Variants in NRCAM observed in about 807,000 individuals in gnomAD.
NRCAM encodes the protein NgCAM-related cell adhesion molecule.
A neutral mutation model predicts 156.5 loss-of-function variants in NRCAM; 83 were observed. The ratio of observed to expected loss-of-function variants is 0.53; its 90% CI spans 0.44 to 0.64. The LOEUF is 0.64. Among genes scored for constraint, NRCAM ranks in the 30% least tolerant of loss-of-function variants. NRCAM has a pLI of 0.00. For missense variants in NRCAM, 1,417 were observed against 1,597.3 expected, an observed-to-expected ratio of 0.89 and a Z score of 1.92; for synonymous variants, 538 against 563.9, an observed-to-expected ratio of 0.95 and a Z score of 0.65.
At chr7:108,447,487 C>G (rs1237932680) in intron 1 of NRCAM, among the ~76,000 whole-genome samples, 2 of 151,706 alleles carry the variant, frequency 1.3e-5, no homozygotes, top group African/African-American at 4.8e-5. Context: ...GGCCAGGGCG[C>G]TCTTGAACTC....
At chr7:108,318,039 C>T (rs1010289189) in intron 2 of NRCAM, among the ~76,000 whole-genome samples, 5 of 72,852 alleles carry the variant, frequency 6.9e-5, no homozygotes, top group Non-Finnish European at 7.1e-5. Context: ...TTCACTTTTC[C>T]TTTTTTTTTT....
intron 13 of NRCAM, among the ~76,000 whole-genome samples, chr7:108,199,653 C>G (rs1443297118): frequency 6.6e-6 from 1 of 152,198 alleles, no homozygotes; most frequent in Non-Finnish European, 1.5e-5. Flanking sequence ...AGTCACCTTT[C>G]TTTCCAACCA....
chr7:108,159,337 G>A (rs747290905), intron 32 of NRCAM, 126 bp downstream of exon 32: 3 of 814,408 alleles, frequency 3.7e-6, no homozygotes, highest in African/African-American at 3.4e-5. Flanking sequence ...ATACATGGAA[G>A]TATCCCTAAA....
intron 32 of NRCAM, among the ~76,000 whole-genome samples, chr7:108,152,119 T>TA (rs899818665): frequency 2.0e-5 from 3 of 151,888 alleles, no homozygotes; most frequent in Non-Finnish European, 2.9e-5. Context: ...ATCAACATAA[T>TA]AAAAAAAATT....
chr7:108,175,025 T>C (rs2059944239), intron 28 of NRCAM, among the ~76,000 whole-genome samples: 2 of 152,216 alleles, frequency 1.3e-5, no homozygotes, highest in African/African-American at 4.8e-5. Flanking sequence ...AGAGGATCTG[T>C]GACAAATACA....
intron 2 of NRCAM, among the ~76,000 whole-genome samples, chr7:108,376,395 T>C (rs1193136628): frequency 6.6e-6 from 1 of 152,142 alleles, no homozygotes; most frequent in Admixed American, 6.6e-5. Flanking sequence ...CCCATAGTCA[T>C]CTTGTAAGTT....
chr7:108,182,986 A>G, intron 22 of NRCAM, 66 bp from the exon 23 acceptor site: 1 of 1,296,512 alleles, frequency 7.7e-7, no homozygotes, highest in South Asian at 1.2e-5. Context: ...TTACAGGAAC[A>G]GCAAATTCAA....
At chr7:108,453,173 T>C (rs1330557175) in intron 1 of NRCAM, among the ~76,000 whole-genome samples, 2 of 152,230 alleles carry the variant, frequency 1.3e-5, no homozygotes, top group Non-Finnish European at 2.9e-5. Context: ...AATGAATGAA[T>C]GAAATCTTTT....
At chr7:108,331,833 G>C (rs2099130048) in intron 2 of NRCAM, among the ~76,000 whole-genome samples, 1 of 152,064 alleles carries the variant, frequency 6.6e-6, no homozygotes, top group Admixed American at 6.6e-5. Flanking sequence ...CACATTCATT[G>C]CCAGTTTTTT....
At position 108,351,102 on chromosome 7, in the gene NRCAM, G is replaced by A. The variant is rs565607999; in HGVS notation, c.-173-38371C>T. Reference sequence around the variant, plus strand: ...ACCTAATCCCCAATGCAACACTGCTGACAAGTGGGACCTTAAAGAGCTAAT... The same window carrying A: ...ACCTAATCCCCAATGCAACACTGCTAACAAGTGGGACCTTAAAGAGCTAAT... On this transcript the variant is annotated intron_variant, in intron 2 of 32. Coordinates refer to ENST00000379028, the MANE Select transcript of NRCAM (RefSeq NM_001037132.4). Among the ~76,000 whole-genome samples the A allele has an allele frequency of 6.9e-4, 105 of 152,296 alleles. No homozygotes were observed. The Middle Eastern group carries it at 0.034, about 49-fold the overall frequency.
intron 8 of NRCAM, among the ~76,000 whole-genome samples, chr7:108,228,935 G>A (rs1240112501): frequency 6.6e-6 from 1 of 151,824 alleles, no homozygotes; most frequent in Non-Finnish European, 1.5e-5. Flanking sequence ...TATAAGGAGA[G>A]CCAAAATGCA....
At chr7:108,223,164 T>A (rs189525238) in intron 11 of NRCAM, among the ~76,000 whole-genome samples, 1 of 152,254 alleles carries the variant, frequency 6.6e-6, no homozygotes, top group Non-Finnish European at 1.5e-5. Context: ...TAGCAACTTA[T>A]GGCCATCAAC....
chr7:108,377,526 T>C (rs769113529), intron 2 of NRCAM, among the ~76,000 whole-genome samples: 5 of 152,132 alleles, frequency 3.3e-5, no homozygotes, highest in Admixed American at 6.6e-5. Context: ...TTTCAGAAAG[T>C]AATGCAATCC....
chr7:108,163,716 C>T (rs1312070303), intron 30 of NRCAM, among the ~76,000 whole-genome samples: 1 of 149,460 alleles, frequency 6.7e-6, no homozygotes, highest in African/African-American at 2.5e-5. Flanking sequence ...TGGGGTGGCA[C>T]TAAAGAGAGG....
chr7:108,371,802 T>C (rs1395906797), intron 2 of NRCAM, among the ~76,000 whole-genome samples: 1 of 152,124 alleles, frequency 6.6e-6, no homozygotes, highest in African/African-American at 2.4e-5. Flanking sequence ...TTACCCAAAG[T>C]GATCTACAGA....
chr7:108,218,121 T>G (rs898532044), intron 11 of NRCAM, among the ~76,000 whole-genome samples: 1 of 150,500 alleles, frequency 6.6e-6, no homozygotes, highest in Non-Finnish European at 1.5e-5. Flanking sequence ...TGGGCCGGAA[T>G]GCACTGTTCC....
At chr7:108,451,498 T>C (rs6959023) in intron 1 of NRCAM, among the ~76,000 whole-genome samples, 37,371 of 151,968 alleles carry the variant, frequency 0.25, 4,909 homozygotes, top group Non-Finnish European at 0.29. Flanking sequence ...CAGATATTTG[T>C]ACATCCATGT....
At position 108,149,645 on chromosome 7, in the gene NRCAM, C is replaced by A; in HGVS notation, c.*265G>T. The A allele has an allele frequency of 4.3e-6, 2 of 464,146 alleles. No homozygotes were observed. The highest frequency in any genetic ancestry group is 3.6e-5 in the South Asian group (1 of 27,594). 28.8% of individuals were successfully genotyped at this position (464,146 alleles called of 1,614,324 possible). On this transcript the variant is annotated 3_prime_UTR_variant, in exon 33 of 33. Coordinates refer to ENST00000379028, the MANE Select transcript of NRCAM (RefSeq NM_001037132.4). ...TATCCTGCAGAGGAAATAACAGGATCTGTTGGTGATGTTGCATTATTTTTT... is the reference window on the plus strand; with the variant it reads ...TATCCTGCAGAGGAAATAACAGGATATGTTGGTGATGTTGCATTATTTTTT...
At chr7:108,286,710 C>T (rs183074572) in intron 3 of NRCAM, among the ~76,000 whole-genome samples, 3 of 152,186 alleles carry the variant, frequency 2.0e-5, no homozygotes, top group African/African-American at 2.4e-5. Flanking sequence ...CGATCAGGCA[C>T]GCTCAGGGTG....
Sources: allele counts gnomAD v4.1 joint callset (sites outside exome capture counted in the v4.1 genomes callset), GRCh38; gene constraint gnomAD v4.1.1; transcripts MANE v1.5; gene names NCBI Gene and HGNC (gene_info 2026-07-23, HGNC 2026-07-21).